Variants in LCOR observed in about 807,000 individuals in gnomAD.
LCOR encodes ligand dependent nuclear receptor corepressor, also known as ligand-dependent corepressor.
Under a neutral mutation model 64.4 loss-of-function variants are expected in LCOR, and 14 were observed. That is an observed-to-expected ratio of 0.22 (90% CI 0.14 to 0.34). The LOEUF is 0.34. Among genes scored for constraint, LCOR ranks in the 10% least tolerant of loss-of-function variants. The probability of loss-of-function intolerance (pLI) is 1.00; values close to 1 mark genes in which losing one functional copy is unlikely to be tolerated. For missense variants in LCOR, 1,686 were observed against 1,765.3 expected, an observed-to-expected ratio of 0.96 and a Z score of 0.80; for synonymous variants, 643 against 642.5, an observed-to-expected ratio of 1.00 and a Z score of -0.01.
At chr10:96,942,636 A>G (rs1206424045) in intron 4 of LCOR, among the ~76,000 whole-genome samples, 2 of 152,226 alleles carry the variant, frequency 1.3e-5, no homozygotes, top group African/African-American at 2.4e-5. Context: ...TATATAATCC[A>G]TGCTAAATAC....
chr10:96,901,399 G>T (rs1281427783), intron 2 of LCOR, among the ~76,000 whole-genome samples: 1 of 152,016 alleles, frequency 6.6e-6, no homozygotes, highest in African/African-American at 2.4e-5. Flanking sequence ...CTTATTTTAA[G>T]TAAAATTAAG....
At chr10:96,932,658 T>G (rs934575398) in intron 4 of LCOR, among the ~76,000 whole-genome samples, 2 of 152,054 alleles carry the variant, frequency 1.3e-5, no homozygotes, top group African/African-American at 4.8e-5. Context: ...GAGATGGGGT[T>G]TCACCATATT....
At chr10:96,907,212 CAATACTAGAATG>C (rs2134452836) in intron 2 of LCOR, 41 bp from the exon 3 acceptor site, 1 of 570,876 alleles carries the variant, frequency 1.8e-6, no homozygotes, top group South Asian at 7.7e-5. Flanking sequence ...AAAGATTATT[CAATACTAGAATG>C]AATATTATTG....
intron 7 of LCOR, among the ~76,000 whole-genome samples, chr10:96,973,544 T>C (rs1848015614): frequency 6.6e-6 from 1 of 152,168 alleles, no homozygotes; most frequent in Admixed American, 6.5e-5. Context: ...GTGAGTAAAC[T>C]AGGGGACACA....
intron 2 of LCOR, among the ~76,000 whole-genome samples, chr10:96,839,298 C>T (rs1454060158): frequency 6.6e-6 from 1 of 152,086 alleles, no homozygotes; most frequent in Admixed American, 6.6e-5. Context: ...TCTCATACTC[C>T]CCATTTAAGA....
intron 7 of LCOR, among the ~76,000 whole-genome samples, chr10:96,967,747 TTTTG>T (rs1185398971): frequency 2.0e-5 from 3 of 152,206 alleles, no homozygotes; most frequent in African/African-American, 7.2e-5. Flanking sequence ...TTTAGATGCC[TTTTG>T]TTTATTTTAA....
At chr10:96,901,263 T>A (rs1015425998) in intron 2 of LCOR, among the ~76,000 whole-genome samples, 2 of 152,180 alleles carry the variant, frequency 1.3e-5, no homozygotes, top group Non-Finnish European at 2.9e-5. Context: ...AAGCAGTCCT[T>A]CCACTTAAGC....
chr10:96,958,746 CTCTT>C (rs1188450793), intron 7 of LCOR: 2 of 280,808 alleles, frequency 7.1e-6, no homozygotes, highest in African/African-American at 2.1e-5. Flanking sequence ...AAAGGTCTCT[CTCTT>C]TCTCTCTCTT....
At chr10:96,897,096 A>C (rs377374715) in intron 2 of LCOR, among the ~76,000 whole-genome samples, 5 of 147,768 alleles carry the variant, frequency 3.4e-5, no homozygotes, top group African/African-American at 1.0e-4. Flanking sequence ...AAAGAGAAAG[A>C]AAAGCAAAAA....
chr10:96,969,012 T>G (rs149825923), intron 7 of LCOR, among the ~76,000 whole-genome samples: 326 of 152,262 alleles, frequency 2.1e-3, no homozygotes, highest in African/African-American at 7.4e-3. Flanking sequence ...CCTTCCCGAG[T>G]TTCAGTTTTC....
intron 7 of LCOR, among the ~76,000 whole-genome samples, chr10:96,980,050 A>G (rs1359602361): frequency 3.9e-5 from 6 of 152,186 alleles, no homozygotes; most frequent in Non-Finnish European, 7.3e-5. Flanking sequence ...AGGCTGAGGT[A>G]GGAGAATTGC....
rs1193863730 is a variant in LCOR at position 96,832,309 on chromosome 10, A to G, written c.-494A>G. ...GCCGGGCGGGCGGCAGAAGATGGCG[A>G]GGGTGTGTAGGCGGCAGCAATGCTC... On this transcript the variant is annotated 5_prime_UTR_variant, in exon 1 of 8. Coordinates refer to ENST00000421806, the MANE Select transcript of LCOR (RefSeq NM_001346516.2). 5.1e-6 allele frequency: 5 copies of G among 981,908 alleles called. No homozygotes were observed. The African/African-American group carries it at 8.8e-5, about 17-fold the overall frequency. 60.8% of individuals were successfully genotyped at this position (981,908 alleles called of 1,614,324 possible).
chr10:96,882,633 A>G (rs969268404), intron 2 of LCOR, among the ~76,000 whole-genome samples: 3 of 152,120 alleles, frequency 2.0e-5, no homozygotes, highest in Non-Finnish European at 4.4e-5. Context: ...AGGTTTCACT[A>G]TTGGTGTTGT....
rs967498716 is a variant in LCOR, at chr10:96,983,169, C to G, written c.2709C>G (p.Gly903=). ...AAGATGCTGAGCAGGAGGGCGAAGG[C>G]GGGGGGATCATCACCAGGCAGACTT... The part of the protein sequence containing the change: ...SEKDAEQEGE[G]GGIITRQTLK... Residue 903 remains glycine, a synonymous_variant, in exon 8 of 8, where the codon GGC becomes GGG. Coordinates refer to ENST00000421806, the MANE Select transcript of LCOR (RefSeq NM_001346516.2). The surrounding 1 kb of genome is among the most constrained non-coding windows in gnomAD (Gnocchi z 4.5). 3 of 1,614,012 alleles carry G rather than the reference C, an allele frequency of 1.9e-6. No homozygotes were observed. The highest frequency in any genetic ancestry group is 2.5e-6 in the Non-Finnish European group (3 of 1,180,016).
At chr10:96,836,124 A>T (rs1845436868) in intron 2 of LCOR, among the ~76,000 whole-genome samples, 1 of 152,226 alleles carries the variant, frequency 6.6e-6, no homozygotes, top group Admixed American at 6.5e-5. Context: ...TTTGACTTTC[A>T]GAAAGTTATT....
chr10:96,933,292 G>C (rs1353605848), intron 4 of LCOR, among the ~76,000 whole-genome samples: 1 of 152,140 alleles, frequency 6.6e-6, no homozygotes, highest in East Asian at 1.9e-4. Flanking sequence ...GGATCTTCCA[G>C]AGAATGAGAA....
intron 2 of LCOR, among the ~76,000 whole-genome samples, chr10:96,847,554 G>C (rs1845652437): frequency 6.6e-6 from 1 of 152,086 alleles, no homozygotes; most frequent in African/African-American, 2.4e-5. Context: ...CAATTCTCCT[G>C]CGTCAGACTC....
At chr10:96,949,759 A>C (rs1847646213) in intron 6 of LCOR, among the ~76,000 whole-genome samples, 1 of 152,230 alleles carries the variant, frequency 6.6e-6, no homozygotes, top group African/African-American at 2.4e-5. Context: ...TTTGAGAAAG[A>C]AACTGCTAGG....
chr10:96,881,621 T>C (rs1461570007), intron 2 of LCOR, among the ~76,000 whole-genome samples: 7 of 152,106 alleles, frequency 4.6e-5, no homozygotes, highest in African/African-American at 7.2e-5. Flanking sequence ...CACGCCCGGC[T>C]ATTTTTTGTA....
Sources: allele counts gnomAD v4.1 joint callset (sites outside exome capture counted in the v4.1 genomes callset), GRCh38; gene constraint gnomAD v4.1.1; non-coding constraint Gnocchi (gnomAD v3.1); transcripts MANE v1.5; gene names NCBI Gene and HGNC (gene_info 2026-07-23, HGNC 2026-07-21).